Variants in XKR4 observed in about 807,000 individuals in gnomAD.
XKR4 encodes the protein XK related 4, also known as XK-related protein 4.
In XKR4, 12 loss-of-function variants were observed where a neutral mutation model predicts 53.9. The ratio of observed to expected loss-of-function variants is 0.22; its 90% CI spans 0.14 to 0.36. The LOEUF (loss-of-function observed/expected upper bound fraction) is 0.36. Among genes scored for constraint, XKR4 ranks in the 10% least tolerant of loss-of-function variants. The pLI is 1.00. For synonymous variants in XKR4, 354 were observed against 362.4 expected, an observed-to-expected ratio of 0.98 and a Z score of 0.26; for missense variants, 799 against 859.5, an observed-to-expected ratio of 0.93 and a Z score of 0.88.
At chr8:55,293,396 C>A (rs916496768) in intron 1 of XKR4, among the ~76,000 whole-genome samples, 1 of 152,028 alleles carries the variant, frequency 6.6e-6, no homozygotes, top group Non-Finnish European at 1.5e-5. Context: ...GAAGAAGGAA[C>A]AAGTGCGAAA....
chr8:55,134,951 ATT>A (rs11301687), intron 1 of XKR4, among the ~76,000 whole-genome samples: 117 of 149,620 alleles, frequency 7.8e-4, no homozygotes, highest in African/African-American at 1.0e-3. Context: ...GAGAAGCTGG[ATT>A]TTTTTTTTTT....
chr8:55,209,869 T>A (rs1307125376), intron 1 of XKR4, among the ~76,000 whole-genome samples: 1 of 152,184 alleles, frequency 6.6e-6, no homozygotes, highest in Non-Finnish European at 1.5e-5. Flanking sequence ...AACCCATGCC[T>A]TTTTCTGATT....
At position 55,462,521 on chromosome 8, in the gene XKR4, T is replaced by C. The variant is rs1451601774; in HGVS notation, c.1007-60760T>C. Among the ~76,000 whole-genome samples the C allele has an allele frequency of 5.3e-5, 8 of 152,300 alleles. No individual in the cohort carries two copies. The East Asian group carries it at 1.5e-3, about 29-fold the overall frequency. Reference sequence around the variant, plus strand: ...ACCGGTACCAGCCACTGCAAAAATATGCCAAATTGTAAAGACCATCAAGGC... The same window carrying C: ...ACCGGTACCAGCCACTGCAAAAATACGCCAAATTGTAAAGACCATCAAGGC... On this transcript the variant is annotated intron_variant, in intron 2 of 2. Coordinates refer to ENST00000327381, the MANE Select transcript of XKR4 (RefSeq NM_052898.2).
rs895862455 is a variant in XKR4 at position 55,195,459 on chromosome 8, A to G, written c.806+92165A>G. ...TATATAACATATATTTTAGTATAAT[A>G]TATAGCCTAAATATAAATAATTTAT... On this transcript the variant is annotated intron_variant, in intron 1 of 2. Transcript: ENST00000327381. 1.9e-4 allele frequency among the ~76,000 whole-genome samples: 29 copies of G among 150,122 alleles called. 4 individuals are homozygous for G. The highest frequency in any genetic ancestry group is 6.8e-4 in the African/African-American group (28 of 41,034).
Position 55,534,367 on chromosome 8 carries a change from T to A in XKR4, c.*10140T>A, listed in dbSNP as rs1806998687. On this transcript the variant is annotated 3_prime_UTR_variant, in exon 3 of 3. Transcript: ENST00000327381. The stretch of plus-strand genomic sequence containing the variant: ...AAAGATCACGAATCTGATATTCTTT[T>A]TTTTTTTTTTTTTTTTTTTTTTTTG... 8 of 107,056 alleles carry A rather than the reference T, an allele frequency of 7.5e-5. No homozygotes were observed. Among genetic ancestry groups the A allele is most frequent in the African/African-American group, 2.8e-4 (8 of 28,816 alleles). 6.6% of individuals were successfully genotyped at this position (107,056 alleles called of 1,614,324 possible). A position where few individuals can be genotyped will look rare whatever the true frequency, so the allele number is the denominator to read the frequency against.
intron 1 of XKR4, among the ~76,000 whole-genome samples, chr8:55,266,031 G>A (rs1386840367): frequency 6.6e-6 from 1 of 150,832 alleles, no homozygotes; most frequent in Non-Finnish European, 1.5e-5. Context: ...TTAAATATAG[G>A]CATGTAGTCC....
chr8:55,349,241 T>C (rs1803692819), intron 1 of XKR4, among the ~76,000 whole-genome samples: 1 of 152,188 alleles, frequency 6.6e-6, no homozygotes, highest in South Asian at 2.1e-4. Flanking sequence ...GCCATGATTG[T>C]TCAGAACTGA....
chr8:55,155,192 C>T, intron 1 of XKR4, among the ~76,000 whole-genome samples: 1 of 152,148 alleles, frequency 6.6e-6, no homozygotes, highest in Admixed American at 6.5e-5. Context: ...GCGCTGATCT[C>T]CAAGATCCCT....
chr8:55,466,704 T>C (rs1427151207), intron 2 of XKR4, among the ~76,000 whole-genome samples: 1 of 152,136 alleles, frequency 6.6e-6, no homozygotes, highest in Non-Finnish European at 1.5e-5. Flanking sequence ...GTTGCCACTT[T>C]GGTTTAACTC....
At chr8:55,278,064 A>G (rs1430491528) in intron 1 of XKR4, among the ~76,000 whole-genome samples, 1 of 152,128 alleles carries the variant, frequency 6.6e-6, no homozygotes, top group Non-Finnish European at 1.5e-5. Flanking sequence ...GTCAGGTGCA[A>G]TGGCTTACAT....
intron 2 of XKR4, among the ~76,000 whole-genome samples, chr8:55,463,654 A>G (rs1305361553): frequency 1.3e-5 from 2 of 152,116 alleles, no homozygotes; most frequent in Admixed American, 1.3e-4. Flanking sequence ...ATAGAGAAAT[A>G]AAAAACTGTT....
chr8:55,229,491 A>T (rs1238515161), intron 1 of XKR4, among the ~76,000 whole-genome samples: 1 of 152,270 alleles, frequency 6.6e-6, no homozygotes, highest in African/African-American at 2.4e-5. Flanking sequence ...GAACACAGGA[A>T]GTGCTCCATG....
chr8:55,135,889 C>CTTTT (rs71256514), intron 1 of XKR4, among the ~76,000 whole-genome samples: 3 of 146,026 alleles, frequency 2.1e-5, no homozygotes, highest in Non-Finnish European at 4.5e-5. Flanking sequence ...AACATGCTCA[C>CTTTT]TTTTTTTTTT....
chr8:55,159,286 A>G (rs903204149), intron 1 of XKR4, among the ~76,000 whole-genome samples: 3 of 151,988 alleles, frequency 2.0e-5, no homozygotes, highest in African/African-American at 7.3e-5. Flanking sequence ...TTGAATGTCA[A>G]CTCTATGCCA....
In XKR4 at chr8:55,289,646, A is replaced by AAAGAAAGAAAGGAAGG. The variant is rs1221597017; in HGVS notation, c.807-68029_807-68028insAAAGAAAGGAAGGAAG. ...GAAAGAAAGAAAGAAAGAAAGAAAG[A>AAAGAAAGAAAGGAAGG]AAGGAAGGAAGGAAAAGAAAAGAAA... On this transcript the variant is annotated intron_variant, in intron 1 of 2. Coordinates refer to ENST00000327381, the MANE Select transcript of XKR4 (RefSeq NM_052898.2). Among the ~76,000 whole-genome samples, 302 of 86,952 alleles carry AAAGAAAGAAAGGAAGG rather than the reference A, an allele frequency of 3.5e-3. 3 individuals carry two copies. The highest frequency in any genetic ancestry group is 8.7e-3 in the African/African-American group (155 of 17,734). 57.0% of individuals were successfully genotyped at this position (86,952 alleles called of 152,430 possible).
At chr8:55,453,869 G>A (rs1805502756) in intron 2 of XKR4, 1 of 552,164 alleles carries the variant, frequency 1.8e-6, no homozygotes, top group Non-Finnish European at 3.5e-6. Flanking sequence ...CAGGTCCGTG[G>A]GGCAGTACGG....
intron 1 of XKR4, among the ~76,000 whole-genome samples, chr8:55,209,336 G>A (rs915410341): frequency 6.6e-6 from 1 of 152,176 alleles, no homozygotes; most frequent in Non-Finnish European, 1.5e-5. Context: ...TTTTGCAGAC[G>A]AGGAGACTCA....
At chr8:55,244,355 A>G (rs992912951) in intron 1 of XKR4, among the ~76,000 whole-genome samples, 2 of 152,182 alleles carry the variant, frequency 1.3e-5, no homozygotes, top group African/African-American at 4.8e-5. Context: ...ACTCAGGATA[A>G]TGGCCTCCAG....
At chr8:55,491,209 G>C (rs1023571451) in intron 2 of XKR4, among the ~76,000 whole-genome samples, 11 of 151,970 alleles carry the variant, frequency 7.2e-5, no homozygotes, top group African/African-American at 2.7e-4. Context: ...TCCTCATGAT[G>C]TCCATGTTTT....
Sources: allele counts gnomAD v4.1 joint callset (sites outside exome capture counted in the v4.1 genomes callset), GRCh38; gene constraint gnomAD v4.1.1; transcripts MANE v1.5; gene names NCBI Gene and HGNC (gene_info 2026-07-23, HGNC 2026-07-21).